MGMT: variants seen among roughly 807,000 people sequenced by gnomAD.
MGMT encodes methylated-DNA--protein-cysteine methyltransferase.
In MGMT, 14 loss-of-function variants were observed where a neutral mutation model predicts 15.9. That is an observed-to-expected ratio of 0.88 (90% CI 0.58 to 1.37). MGMT has a LOEUF of 1.37. MGMT is among the 40% of genes most tolerant of loss of function. The pLI is 0.00. For missense variants in MGMT, 282 were observed against 268.1 expected (o/e 1.05, Z -0.36); for synonymous variants, 130 against 118.2 (o/e 1.10, Z -0.65).
chr10:129,621,777 A>T lies in MGMT; in HGVS notation c.125+85400A>T, dbSNP rs116187999. On this transcript the variant is annotated intron_variant, in intron 2 of 4. Coordinates refer to ENST00000651593, the MANE Select transcript of MGMT (RefSeq NM_002412.5). Reference sequence around the variant, plus strand: ...CCTTTCCTATCGAATTTGCTTTTCAAAAATAGTGTGGACATTAAAAAGCCA... The same window carrying T: ...CCTTTCCTATCGAATTTGCTTTTCATAAATAGTGTGGACATTAAAAAGCCA... Among the ~76,000 whole-genome samples the T allele has an allele frequency of 2.0e-5, 3 of 152,346 alleles. No individual in the cohort carries two copies. The South Asian group carries it at 6.2e-4, about 32-fold the overall frequency.
intron 3 of MGMT, among the ~76,000 whole-genome samples, chr10:129,750,055 C>A (rs900596995): frequency 6.6e-6 from 1 of 152,002 alleles, no homozygotes; most frequent in Non-Finnish European, 1.5e-5. Context: ...CATATATCTT[C>A]TCCTAGTCTG....
intron 1 of MGMT, among the ~76,000 whole-genome samples, chr10:129,513,003 GTCTA>G (rs1273408703): frequency 6.6e-6 from 1 of 152,292 alleles, no homozygotes; most frequent in South Asian, 2.1e-4. Flanking sequence ...ACACACAAAC[GTCTA>G]TCTGTGAGTG....
At chr10:129,760,239 C>T (rs1051051392) in intron 4 of MGMT, among the ~76,000 whole-genome samples, 7 of 152,214 alleles carry the variant, frequency 4.6e-5, no homozygotes, top group African/African-American at 1.7e-4. Flanking sequence ...CCGGCCAAGG[C>T]CACACGTGCC....
chr10:129,715,713 CTA>C (rs1848286656), intron 3 of MGMT: 1 of 152,144 alleles, frequency 6.6e-6, no homozygotes, highest in Non-Finnish European at 1.5e-5. Flanking sequence ...TAGAATTGGA[CTA>C]TGTTATCAAT....
intron 2 of MGMT, among the ~76,000 whole-genome samples, chr10:129,673,776 T>G (rs57547298): frequency 0.15 from 23,304 of 152,182 alleles, 1,898 homozygotes; most frequent in East Asian, 0.28. Context: ...AAACTATGTT[T>G]TATGTGGTAT....
At chr10:129,735,170 GGCTGTGAATCCATCTGGTCCT>G (rs1564778782) in intron 3 of MGMT, among the ~76,000 whole-genome samples, 1 of 152,104 alleles carries the variant, frequency 6.6e-6, no homozygotes, top group Non-Finnish European at 1.5e-5. Context: ...GGTAGAATTC[GGCTGTGAATCCATCTGGTCCT>G]GGACTCTTTT....
chr10:129,748,403 T>TAAAC (rs1848718336), intron 3 of MGMT, among the ~76,000 whole-genome samples: 1 of 152,208 alleles, frequency 6.6e-6, no homozygotes, highest in Admixed American at 6.5e-5. Context: ...CTGGAATGTT[T>TAAAC]GTCTTTGTTC....
intron 4 of MGMT, among the ~76,000 whole-genome samples, chr10:129,764,873 CT>C (rs1776981530): frequency 6.6e-6 from 1 of 152,164 alleles, no homozygotes; most frequent in Non-Finnish European, 1.5e-5. Context: ...GCATCCGTGT[CT>C]GGGCCATCTA....
At chr10:129,500,751 A>T (rs890386111) in intron 1 of MGMT, among the ~76,000 whole-genome samples, 1 of 152,018 alleles carries the variant, frequency 6.6e-6, no homozygotes, top group Non-Finnish European at 1.5e-5. Flanking sequence ...GTGCTTCACC[A>T]TGTTGCCCAG....
intron 2 of MGMT, among the ~76,000 whole-genome samples, chr10:129,551,792 C>A (rs1310462339): frequency 1.3e-5 from 2 of 152,146 alleles, no homozygotes; most frequent in Non-Finnish European, 2.9e-5. Context: ...GTGGAACATG[C>A]CTTAGAGAAA....
chr10:129,517,796 C>T (rs1054899482), intron 1 of MGMT, among the ~76,000 whole-genome samples: 11 of 150,412 alleles, frequency 7.3e-5, no homozygotes, highest in Non-Finnish European at 1.3e-4. Flanking sequence ...TGTGACCCCA[C>T]GGGAAAGCAT....
At chr10:129,673,816 T>C (rs1483898629) in intron 2 of MGMT, among the ~76,000 whole-genome samples, 1 of 152,246 alleles carries the variant, frequency 6.6e-6, no homozygotes, top group Admixed American at 6.5e-5. Context: ...GCTTACTAAA[T>C]ATGACTTTTG....
chr10:129,598,417 A>G (rs1846777967), intron 2 of MGMT, among the ~76,000 whole-genome samples: 1 of 135,498 alleles, frequency 7.4e-6, no homozygotes, highest in African/African-American at 2.8e-5. Flanking sequence ...GGGCTTGTCA[A>G]GTAGGCCTGG....
chr10:129,577,295 G>C (rs946529952), intron 2 of MGMT, among the ~76,000 whole-genome samples: 7 of 151,294 alleles, frequency 4.6e-5, no homozygotes, highest in Admixed American at 2.0e-4. Context: ...ATACTACAAG[G>C]CTACAGTAAC....
chr10:129,616,350 G>A (rs1053092163), intron 2 of MGMT, among the ~76,000 whole-genome samples: 1 of 152,204 alleles, frequency 6.6e-6, no homozygotes, highest in Admixed American at 6.5e-5. Flanking sequence ...AGTGCTGGTC[G>A]CCTCCAGGTG....
chr10:129,682,772 A>T (rs1847866895), intron 2 of MGMT, among the ~76,000 whole-genome samples: 1 of 152,198 alleles, frequency 6.6e-6, no homozygotes, highest in Non-Finnish European at 1.5e-5. Context: ...GGTGCCTGGG[A>T]ACTGTCACTA....
intron 1 of MGMT, among the ~76,000 whole-genome samples, chr10:129,511,677 T>C (rs912658781): frequency 2.0e-5 from 3 of 152,168 alleles, no homozygotes; most frequent in African/African-American, 4.8e-5. Flanking sequence ...CCCAGGGCTA[T>C]TGGGGATCAG....
intron 2 of MGMT, among the ~76,000 whole-genome samples, chr10:129,684,933 C>T (rs192852905): frequency 1.3e-5 from 2 of 152,306 alleles, no homozygotes; most frequent in East Asian, 1.9e-4. Context: ...CTGGAGGAAC[C>T]AGATTCTTTC....
rs560127721 is a variant in MGMT at position 129,632,145 on chromosome 10, T to C, written c.126-75750T>C. 3.3e-5 allele frequency among the ~76,000 whole-genome samples: 5 copies of C among 152,378 alleles called. No homozygotes were observed. In the South Asian group the frequency reaches 1.0e-3, roughly 32 times the overall value. ...GCCTTTTTATGCACCAGCGTATGCA[T>C]TGTGCCACATCCTTAGACATGACTT... On this transcript the variant is annotated intron_variant, in intron 2 of 4. Transcript: ENST00000651593.
Sources: allele counts gnomAD v4.1 joint callset (sites outside exome capture counted in the v4.1 genomes callset), GRCh38; gene constraint gnomAD v4.1.1; transcripts MANE v1.5; gene names NCBI Gene and HGNC (gene_info 2026-07-23, HGNC 2026-07-21).